Variants in C6orf62 observed in about 807,000 individuals in gnomAD.
C6orf62 encodes the protein chromosome 6 open reading frame 62, also known as uncharacterized protein C6orf62.
C6orf62 carries 16 observed loss-of-function variants against 26.8 expected under a neutral mutation model. The observed-to-expected ratio is 0.60, with a 90% CI of 0.40 to 0.91. The LOEUF (loss-of-function observed/expected upper bound fraction) is 0.91, where lower values mean the gene tolerates loss of function less well. C6orf62 is among the 40% of genes least tolerant of loss of function. C6orf62 has a pLI of 0.00. For synonymous variants in C6orf62, 112 were observed against 91.5 expected (o/e 1.22, Z -1.28); for missense variants, 192 against 271.4 (o/e 0.71, Z 2.06).
chr6:24,720,013 G>GGGGGGA, upstream of C6orf62: 1 of 1,479,414 alleles, frequency 6.8e-7, no homozygotes, highest in Non-Finnish European at 9.0e-7. Flanking sequence ...TCTAAAGTAA[G>GGGGGGA]CCCACCCACC....
chr6:24,716,582 T>C (rs892941518), intron 1 of C6orf62, among the ~76,000 whole-genome samples: 1 of 152,206 alleles, frequency 6.6e-6, no homozygotes, highest in African/African-American at 2.4e-5. Flanking sequence ...TAGCACTATT[T>C]TGGACAATAC....
intron 3 of C6orf62, chr6:24,710,530 T>G: frequency 2.1e-6 from 2 of 930,478 alleles, no homozygotes; most frequent in Non-Finnish European, 1.3e-6. Flanking sequence ...TCCCAAAGTG[T>G]TGGGATTACA....
chr6:24,715,035 G>A (rs950026444), intron 2 of C6orf62, among the ~76,000 whole-genome samples: 1 of 152,170 alleles, frequency 6.6e-6, no homozygotes, highest in African/African-American at 2.4e-5. Context: ...GATATCTGTT[G>A]TATTGTCAGA....
chr6:24,706,145 G>T lies in C6orf62; in HGVS notation c.682C>A (p.Pro228Thr), dbSNP rs777605413. ...TIEDHLRPYM[P>T]E ...TTTTGCTGGTCAGTACTCTACTCTG[G>T]CATATAAGGACGGAGGTGATCCTCT... Residue 228 changes from proline to threonine, a missense_variant, in exon 5 of 5, where the codon CCA (proline) becomes ACA (threonine). Physicochemically the swap from Pro to Thr is conservative, Grantham distance 38. Coordinates refer to ENST00000378119, the MANE Select transcript of C6orf62 (RefSeq NM_030939.5). The T allele has an allele frequency of 6.2e-7, 1 of 1,614,144 alleles. No homozygotes were observed. The highest frequency in any genetic ancestry group is 8.5e-7 in the Non-Finnish European group (1 of 1,180,010).
intron 3 of C6orf62, chr6:24,709,643 C>T: frequency 1.0e-6 from 1 of 985,384 alleles, no homozygotes; most frequent in Non-Finnish European, 1.2e-6. Context: ...CCACAGTTAG[C>T]CTTGGGTCAT....
chr6:24,720,013 G>GGGGGCGCC, upstream of C6orf62: 3 of 1,479,402 alleles, frequency 2.0e-6, no homozygotes, highest in Non-Finnish European at 2.7e-6. Flanking sequence ...TCTAAAGTAA[G>GGGGGCGCC]CCCACCCACC....
At chr6:24,709,036 A>G in intron 3 of C6orf62, 125 bp from the exon 4 acceptor site, 1 of 1,476,406 alleles carries the variant, frequency 6.8e-7, no homozygotes, top group Non-Finnish European at 8.9e-7. Context: ...TCTTTAAAAA[A>G]ACAAATTTTG....
At chr6:24,707,637 C>T (rs952487961) in intron 4 of C6orf62, among the ~76,000 whole-genome samples, 2 of 152,112 alleles carry the variant, frequency 1.3e-5, no homozygotes, top group Admixed American at 6.6e-5. Context: ...AAGTGTGAGA[C>T]ACTGTGCCCA....
Position 24,716,411 on chromosome 6 carries a change from C to T in C6orf62, c.130-87G>A, listed in dbSNP as rs889971602. 3.7e-5 allele frequency: 35 copies of T among 937,998 alleles called. No individual in the cohort carries two copies. The South Asian group carries it at 5.3e-4, about 14-fold the overall frequency. The allele number at this position is 937,998 out of a possible 1,614,324, so 58.1% of individuals were successfully genotyped here. Reference sequence around the variant, plus strand: ...ATATTACAATGTCATGTAACATTAACTCCACAAAATTCTTAACTGTCTGCA... The same window carrying T: ...ATATTACAATGTCATGTAACATTAATTCCACAAAATTCTTAACTGTCTGCA... On this transcript the variant is annotated intron_variant, in intron 1 of 4. Coordinates refer to ENST00000378119, the MANE Select transcript of C6orf62 (RefSeq NM_030939.5).
At chr6:24,710,091 G>C (rs1430535525) in intron 3 of C6orf62, 2 of 982,726 alleles carry the variant, frequency 2.0e-6, no homozygotes, top group African/African-American at 3.5e-5. Flanking sequence ...TAAATTATTA[G>C]TATGATCATA....
chr6:24,716,524 T>C (rs1258078590), intron 1 of C6orf62, among the ~76,000 whole-genome samples, 200 bp from the exon 2 acceptor site: 1 of 152,192 alleles, frequency 6.6e-6, no homozygotes, highest in Non-Finnish European at 1.5e-5. Flanking sequence ...ATGTACAAAC[T>C]GTCATTAGAA....
At chr6:24,719,439 G>A (rs1351930119), upstream of C6orf62, 1 of 1,076,212 alleles carries the variant, frequency 9.3e-7, no homozygotes, top group African/African-American at 1.7e-5. Context: ...TACCGGGGGC[G>A]GGCAGCTGTG....
chr6:24,718,962 T>C lies in C6orf62; in HGVS notation c.-294A>G. The C allele has an allele frequency of 8.5e-7, 1 of 1,181,954 alleles. No individual in the cohort carries two copies. Among genetic ancestry groups the C allele is most frequent in the Non-Finnish European group, 1.1e-6 (1 of 951,484 alleles). 73.2% of individuals were successfully genotyped at this position (1,181,954 alleles called of 1,614,324 possible). A position where few individuals can be genotyped will look rare whatever the true frequency, so the allele number is the denominator to read the frequency against. On this transcript the variant is annotated 5_prime_UTR_variant, in exon 1 of 5. Coordinates refer to ENST00000378119, the MANE Select transcript of C6orf62 (RefSeq NM_030939.5). ...AAAGAAAGAGGAGAAAATAACTAAC[T>C]TTCTGGAAAACACATTTGGCTTAAC... is the stretch of plus-strand genomic sequence containing the variant.
upstream of C6orf62, chr6:24,719,603 T>C: frequency 7.1e-7 from 1 of 1,405,082 alleles, no homozygotes; most frequent in East Asian, 2.7e-5. Flanking sequence ...TTATTCCGGC[T>C]CTGTGGTTAG....
At position 24,704,910 on chromosome 6, in the gene C6orf62, G is replaced by A. The variant is rs1259491870; in HGVS notation, c.*1227C>T. 6.6e-6 allele frequency: 1 copy of A among 152,104 alleles called. No individual in the cohort carries two copies. The highest frequency in any genetic ancestry group is 1.5e-5 in the Non-Finnish European group (1 of 67,968). The allele number at this position is 152,104 out of a possible 1,614,324, so 9.4% of individuals were successfully genotyped here. On this transcript the variant is annotated 3_prime_UTR_variant, in exon 5 of 5. Transcript: ENST00000378119. ...GGGAACTTTCACCTATTTTATTTAG[G>A]TTTTCTTTTTCTTTTTTTCTTTTTT...
chr6:24,707,880 G>A (rs1457656095), intron 4 of C6orf62, among the ~76,000 whole-genome samples: 4 of 151,702 alleles, frequency 2.6e-5, no homozygotes, highest in East Asian at 1.9e-4. Flanking sequence ...GCGTGGTGGC[G>A]GGCACCTGTA....
In C6orf62 at chr6:24,706,062, A is replaced by C; in HGVS notation, c.*75T>G. On this transcript the variant is annotated 3_prime_UTR_variant, in exon 5 of 5. Coordinates refer to ENST00000378119, the MANE Select transcript of C6orf62 (RefSeq NM_030939.5). Reference sequence around the variant, plus strand: ...GTCCATTTTCTTTAAACTCTGAAAGAATAAAGTGGTAAGAAAACAAGAAAA... The same window carrying C: ...GTCCATTTTCTTTAAACTCTGAAAGCATAAAGTGGTAAGAAAACAAGAAAA... 2 of 1,575,836 alleles carry C rather than the reference A, an allele frequency of 1.3e-6. No individual in the cohort carries two copies. Among genetic ancestry groups the C allele is most frequent in the Admixed American group, 3.6e-5 (2 of 54,864 alleles).
upstream of C6orf62, chr6:24,719,460 G>A: frequency 9.2e-7 from 1 of 1,091,238 alleles, no homozygotes; most frequent in Non-Finnish European, 1.1e-6. Flanking sequence ...GCCCAAAGGA[G>A]CCATGAGAAA....
chr6:24,720,330 T>G (rs1779331482), upstream of C6orf62: 1 of 1,270,234 alleles, frequency 7.9e-7, no homozygotes, highest in African/African-American at 1.6e-5. Context: ...GCAGGAGCCA[T>G]GTCAAGAGAA....
Sources: gnomAD v4.1 joint callset for allele counts (sites outside exome capture counted in the v4.1 genomes callset) on GRCh38, gnomAD v4.1.1 for gene constraint, MANE v1.5 for transcripts, NCBI Gene and HGNC (gene_info 2026-07-23, HGNC 2026-07-21) for gene names.